The following EBF1 variants were observed in gnomAD, a reference collection of about 807,000 sequenced individuals.
The protein encoded by EBF1 is transcription factor COE1.
EBF1 carries 10 observed loss-of-function variants against 68.4 expected under a neutral mutation model. The ratio of observed to expected loss-of-function variants is 0.15; its 90% CI spans 0.09 to 0.25. EBF1 has a LOEUF of 0.25. Ranked by LOEUF, EBF1 falls within the 10% of genes least tolerant of loss-of-function variation. The probability of loss-of-function intolerance (pLI) is 1.00; values close to 1 mark genes in which losing one functional copy is unlikely to be tolerated. For synonymous variants in EBF1, 298 were observed against 299.8 expected, an observed-to-expected ratio of 0.99 and a Z score of 0.06; for missense variants, 509 against 794.4, an observed-to-expected ratio of 0.64 and a Z score of 4.32.
chr5:159,077,258 A>G (rs1278442762), intron 5 of EBF1, among the ~76,000 whole-genome samples: 1 of 152,166 alleles, frequency 6.6e-6, no homozygotes, highest in Admixed American at 6.5e-5. Flanking sequence ...AACACGGTGA[A>G]ACCCCATCTC....
intron 9 of EBF1, among the ~76,000 whole-genome samples, chr5:158,784,883 T>C (rs751402766): frequency 1.6e-4 from 24 of 152,314 alleles, no homozygotes; most frequent in Non-Finnish European, 2.9e-4. Flanking sequence ...CATTCACTCA[T>C]TGACACCCTC....
At chr5:159,045,759 G>A (rs1327451241) in intron 6 of EBF1, among the ~76,000 whole-genome samples, 1 of 152,136 alleles carries the variant, frequency 6.6e-6, no homozygotes, top group Non-Finnish European at 1.5e-5. Context: ...AATTTCTATT[G>A]AAACTGCAGG....
chr5:158,873,361 A>G (rs545167697), intron 6 of EBF1, among the ~76,000 whole-genome samples: 2 of 152,160 alleles, frequency 1.3e-5, no homozygotes, highest in African/African-American at 2.4e-5. Flanking sequence ...TAGAATACAC[A>G]GCTCTCTAGA....
chr5:158,886,957 G>T (rs1443681512), intron 6 of EBF1, among the ~76,000 whole-genome samples: 1 of 152,124 alleles, frequency 6.6e-6, no homozygotes. Flanking sequence ...AGCCGAGATC[G>T]TGCCATTGCA....
intron 6 of EBF1, among the ~76,000 whole-genome samples, chr5:159,005,204 T>G (rs899015612): frequency 6.6e-5 from 10 of 152,144 alleles, no homozygotes; most frequent in African/African-American, 1.9e-4. Context: ...TGCCCCCAAT[T>G]AATAACACTA....
At chr5:159,007,644 A>T (rs932214473) in intron 6 of EBF1, among the ~76,000 whole-genome samples, 3 of 152,228 alleles carry the variant, frequency 2.0e-5, no homozygotes, top group African/African-American at 7.2e-5. Context: ...TCCATGAATG[A>T]CCAAGTAGCC....
At chr5:158,966,623 C>A (rs181467761) in intron 6 of EBF1, among the ~76,000 whole-genome samples, 2 of 152,282 alleles carry the variant, frequency 1.3e-5, no homozygotes, top group Non-Finnish European at 2.9e-5. Flanking sequence ...GAAACTCAAA[C>A]CAAACACATA....
In EBF1 at chr5:158,922,234, A is replaced by G. The variant is rs1157844401; in HGVS notation, c.555-82124T>C. On this transcript the variant is annotated intron_variant, in intron 6 of 15. Transcript: ENST00000313708. ...TTGACATTGTGCAGTAACAGAGGTC[A>G]CAGTCTTCTCTTTCCTAGAATTCTC... Among the ~76,000 whole-genome samples, 3 of 152,352 alleles carry G rather than the reference A, an allele frequency of 2.0e-5. No individual in the cohort carries two copies. The East Asian group carries it at 5.8e-4, about 29-fold the overall frequency.
At chr5:158,905,587 T>C (rs1804407516) in intron 6 of EBF1, among the ~76,000 whole-genome samples, 1 of 152,214 alleles carries the variant, frequency 6.6e-6, no homozygotes, top group Non-Finnish European at 1.5e-5. Flanking sequence ...TAAATGCATA[T>C]TACCTTTCGA....
At chr5:158,721,584 G>A (rs971756006) in intron 11 of EBF1, among the ~76,000 whole-genome samples, 6 of 152,098 alleles carry the variant, frequency 3.9e-5, no homozygotes, top group African/African-American at 1.2e-4. Flanking sequence ...AAAATTGTTC[G>A]CTGCCTATTA....
chr5:158,755,198 G>T (rs1334430064), intron 10 of EBF1, among the ~76,000 whole-genome samples: 3 of 151,442 alleles, frequency 2.0e-5, no homozygotes, highest in Admixed American at 1.3e-4. Flanking sequence ...TATAAAGACT[G>T]CCCATTGCCC....
At chr5:159,058,014 G>T (rs556711975) in intron 6 of EBF1, among the ~76,000 whole-genome samples, 1 of 152,292 alleles carries the variant, frequency 6.6e-6, no homozygotes, top group African/African-American at 2.4e-5. Flanking sequence ...CCTAAGTTTT[G>T]TATGTCTTGG....
At chr5:159,082,161 CA>C (rs1779854298) in intron 5 of EBF1, among the ~76,000 whole-genome samples, 1 of 152,026 alleles carries the variant, frequency 6.6e-6, no homozygotes, top group East Asian at 1.9e-4. Context: ...TTGCCTGCAA[CA>C]AAACAGAATC....
At chr5:158,810,137 C>T (rs115483122) in intron 8 of EBF1, among the ~76,000 whole-genome samples, 1,764 of 152,172 alleles carry the variant, frequency 0.012, 26 homozygotes, top group African/African-American at 0.04. Context: ...TTGATGATTC[C>T]GCCAGAAGAT....
rs192799194 is a variant in EBF1 at position 158,771,909 on chromosome 5, A to T, written c.1036+5504T>A. On this transcript the variant is annotated intron_variant, in intron 10 of 15. Transcript: ENST00000313708. Reference sequence around the variant, plus strand: ...TTGCTATCAGCCCAGGGCTCTGTCCACTATACCACAGCGGTCAGAGAACAC... The same window carrying T: ...TTGCTATCAGCCCAGGGCTCTGTCCTCTATACCACAGCGGTCAGAGAACAC... 2.8e-3 allele frequency among the ~76,000 whole-genome samples: 421 copies of T among 152,272 alleles called. 4 individuals carry two copies. The highest frequency in any genetic ancestry group is 9.7e-3 in the African/African-American group (404 of 41,564).
chr5:158,881,563 A>C (rs190957185), intron 6 of EBF1, among the ~76,000 whole-genome samples: 1 of 152,276 alleles, frequency 6.6e-6, no homozygotes, highest in East Asian at 1.9e-4. Flanking sequence ...ACAGGTCTGT[A>C]TGTGCTGCGG....
At chr5:158,856,151 T>C (rs1302729133) in intron 6 of EBF1, among the ~76,000 whole-genome samples, 1 of 152,192 alleles carries the variant, frequency 6.6e-6, no homozygotes, top group Non-Finnish European at 1.5e-5. Flanking sequence ...CTTCTGCTGA[T>C]GGCTACCAGA....
chr5:158,805,238 C>G (rs1370959796), intron 8 of EBF1, among the ~76,000 whole-genome samples: 2 of 152,108 alleles, frequency 1.3e-5, no homozygotes, highest in African/African-American at 4.8e-5. Flanking sequence ...TCTTTATTCA[C>G]AAGCAGTCTT....
chr5:158,730,661 T>G (rs1273697125), intron 11 of EBF1, among the ~76,000 whole-genome samples: 1 of 152,226 alleles, frequency 6.6e-6, no homozygotes, highest in Admixed American at 6.5e-5. Flanking sequence ...TGGTGCTGCT[T>G]TTTCTTTTGA....
Sources: gnomAD v4.1 joint callset for allele counts (sites outside exome capture counted in the v4.1 genomes callset) on GRCh38, gnomAD v4.1.1 for gene constraint, MANE v1.5 for transcripts, NCBI Gene and HGNC (gene_info 2026-07-23, HGNC 2026-07-21) for gene names.